Variants in RPS6KA5 observed in about 807,000 individuals in gnomAD.
RPS6KA5 encodes ribosomal protein S6 kinase A5.
Under a neutral mutation model 85.5 loss-of-function variants are expected in RPS6KA5, and 27 were observed. The observed-to-expected ratio is 0.32, with a 90% CI of 0.23 to 0.44. The LOEUF is 0.44. Among genes scored for constraint, RPS6KA5 ranks in the 20% least tolerant of loss-of-function variants. The pLI is 1.00. For missense variants in RPS6KA5, 811 were observed against 980.9 expected (o/e 0.83, Z 2.31); for synonymous variants, 334 against 348.2 (o/e 0.96, Z 0.46).
chr14:91,028,094 A>G (rs1336190878), intron 1 of RPS6KA5, among the ~76,000 whole-genome samples: 1 of 152,248 alleles, frequency 6.6e-6, no homozygotes. Flanking sequence ...GTAATATTTT[A>G]TTTGGCCAAA....
chr14:90,949,332 T>C (rs1222638623), intron 3 of RPS6KA5, among the ~76,000 whole-genome samples: 4 of 152,244 alleles, frequency 2.6e-5, no homozygotes, highest in African/African-American at 2.4e-5. Flanking sequence ...AGCTGATTAC[T>C]TTCTTCTATG....
At chr14:90,994,094 T>C (rs556230614) in intron 2 of RPS6KA5, among the ~76,000 whole-genome samples, 1 of 152,130 alleles carries the variant, frequency 6.6e-6, no homozygotes, top group Non-Finnish European at 1.5e-5. Context: ...GGTCTCACTA[T>C]GTTGCCCAGA....
At chr14:90,945,322 A>C (rs2037817794) in intron 4 of RPS6KA5, among the ~76,000 whole-genome samples, 1 of 152,234 alleles carries the variant, frequency 6.6e-6, no homozygotes, top group Non-Finnish European at 1.5e-5. Flanking sequence ...TACAAGACAG[A>C]CAGGAAGGAA....
intron 9 of RPS6KA5, among the ~76,000 whole-genome samples, chr14:90,901,256 C>T (rs978806394): frequency 6.6e-6 from 1 of 152,124 alleles, no homozygotes; most frequent in Non-Finnish European, 1.5e-5. Context: ...AGGCACATGC[C>T]ACCATGCCTG....
At chr14:90,912,105 C>T (rs1381668511) in intron 7 of RPS6KA5, among the ~76,000 whole-genome samples, 1 of 152,188 alleles carries the variant, frequency 6.6e-6, no homozygotes, top group African/African-American at 2.4e-5. Context: ...CAGCATTCTT[C>T]TTACCTAAAA....
intron 1 of RPS6KA5, among the ~76,000 whole-genome samples, chr14:91,044,414 AAAG>A (rs2099481453): frequency 1.1e-5 from 1 of 89,966 alleles, no homozygotes; most frequent in Admixed American, 1.1e-4. Flanking sequence ...AGAAAGAAAG[AAAG>A]AAAGAAAGAA....
chr14:90,946,257 C>A (rs1253141768), intron 4 of RPS6KA5, among the ~76,000 whole-genome samples: 2 of 152,018 alleles, frequency 1.3e-5, no homozygotes, highest in African/African-American at 4.8e-5. Context: ...TACTTGACTG[C>A]ACCTCGTTCC....
chr14:90,893,843 A>G (rs1284839340), intron 13 of RPS6KA5: 1 of 230,750 alleles, frequency 4.3e-6, no homozygotes, highest in Non-Finnish European at 7.1e-6. Context: ...TTAGCCTTTC[A>G]TAAGAGGAGA....
rs559285315 is a variant in RPS6KA5, at chr14:90,906,737, A to G, written c.807-438T>C. Among the ~76,000 whole-genome samples, 28 of 151,994 alleles carry G rather than the reference A, an allele frequency of 1.8e-4. 1 individual carries two copies. In the South Asian group the frequency reaches 5.4e-3, roughly 29 times the overall value. Reference sequence around the variant, plus strand: ...AAAAGAGAACAACCATCTTTACCTCACTCCTCTTCCCCTGAGTGCCAGCAA... The same window carrying G: ...AAAAGAGAACAACCATCTTTACCTCGCTCCTCTTCCCCTGAGTGCCAGCAA... On this transcript the variant is annotated intron_variant, in intron 7 of 16. Transcript: ENST00000614987.
intron 7 of RPS6KA5, among the ~76,000 whole-genome samples, chr14:90,919,760 C>A (rs1811182782): frequency 6.6e-6 from 1 of 152,088 alleles, no homozygotes; most frequent in Non-Finnish European, 1.5e-5. Flanking sequence ...GCTCTGAGAC[C>A]TACAAGAGGA....
chr14:91,056,091 C>G (rs2043305458), intron 1 of RPS6KA5, among the ~76,000 whole-genome samples: 1 of 152,134 alleles, frequency 6.6e-6, no homozygotes, highest in African/African-American at 2.4e-5. Flanking sequence ...TAAGCTAAGC[C>G]ACTCCTAAAT....
At chr14:90,944,249 T>C (rs1353153453) in intron 4 of RPS6KA5, among the ~76,000 whole-genome samples, 3 of 152,224 alleles carry the variant, frequency 2.0e-5, no homozygotes, top group African/African-American at 7.2e-5. Context: ...CTTAGAAATA[T>C]TGTTTTCCTC....
chr14:91,040,018 G>C (rs554007990), intron 1 of RPS6KA5, among the ~76,000 whole-genome samples: 1 of 152,362 alleles, frequency 6.6e-6, no homozygotes, highest in East Asian at 1.9e-4. Flanking sequence ...ACAACTAGGA[G>C]AGTAAGTTGG....
chr14:90,886,911 T>C (rs557627791), intron 14 of RPS6KA5, among the ~76,000 whole-genome samples: 1 of 152,346 alleles, frequency 6.6e-6, no homozygotes, highest in South Asian at 2.1e-4. Flanking sequence ...TTTATTTTAT[T>C]CAATGAGGAC....
At position 90,851,681 on chromosome 14, in the gene RPS6KA5, G is replaced by A. The variant is rs1698683127; in HGVS notation, c.*20393C>T. On this transcript the variant is annotated 3_prime_UTR_variant, in exon 17 of 17. Coordinates refer to ENST00000614987, the MANE Select transcript of RPS6KA5 (RefSeq NM_004755.4). Reference sequence around the variant, plus strand: ...CTTCACTTAAAACCAAGGGTTCAGGGAAAAAGGAAGGAATTAAGTGAGCTC... The same window carrying A: ...CTTCACTTAAAACCAAGGGTTCAGGAAAAAAGGAAGGAATTAAGTGAGCTC... 1 of 152,148 alleles carries A rather than the reference G, an allele frequency of 6.6e-6. No homozygotes were observed. 9.4% of individuals were successfully genotyped at this position (152,148 alleles called of 1,614,324 possible).
intron 3 of RPS6KA5, among the ~76,000 whole-genome samples, chr14:90,973,674 A>C (rs961375378): frequency 6.6e-6 from 1 of 152,162 alleles, no homozygotes; most frequent in Non-Finnish European, 1.5e-5. Flanking sequence ...AAAAAGAACA[A>C]GGAAAAGCTT....
At chr14:90,959,147 TA>T (rs761957910) in intron 3 of RPS6KA5, among the ~76,000 whole-genome samples, 1 of 151,654 alleles carries the variant, frequency 6.6e-6, no homozygotes, top group Non-Finnish European at 1.5e-5. Context: ...GTAACTGAAT[TA>T]GGGGGGTGGG....
chr14:90,889,209 G>A (rs147046834), intron 14 of RPS6KA5, among the ~76,000 whole-genome samples: 3,447 of 147,554 alleles, frequency 0.023, 31 homozygotes, highest in South Asian at 0.04. Flanking sequence ...CAGGAGAATC[G>A]CTTGAATCCG....
intron 2 of RPS6KA5, among the ~76,000 whole-genome samples, chr14:90,993,602 G>A (rs2040397043): frequency 6.6e-6 from 1 of 152,128 alleles, no homozygotes; most frequent in Non-Finnish European, 1.5e-5. Flanking sequence ...CACTTTACAT[G>A]GCTTCCAGGG....
Sources: gnomAD v4.1 joint callset for allele counts (sites outside exome capture counted in the v4.1 genomes callset) on GRCh38, gnomAD v4.1.1 for gene constraint, MANE v1.5 for transcripts, NCBI Gene and HGNC (gene_info 2026-07-23, HGNC 2026-07-21) for gene names.